Variants in COBL observed in about 807,000 individuals in gnomAD.
The protein encoded by COBL is protein cordon-bleu.
A neutral mutation model predicts 98.8 loss-of-function variants in COBL; 51 were observed. That is an observed-to-expected ratio of 0.52 (90% confidence interval 0.41 to 0.65). The LOEUF is 0.65. Ranked by LOEUF, COBL falls within the 30% of genes least tolerant of loss-of-function variation. The probability of loss-of-function intolerance (pLI) is 0.00; values close to 1 mark genes in which losing one functional copy is unlikely to be tolerated. For synonymous variants in COBL, 634 were observed against 651.7 expected, an observed-to-expected ratio of 0.97 and a Z score of 0.41; for missense variants, 1,617 against 1,617.5, an observed-to-expected ratio of 1.00 and a Z score of 0.01.
chr7:51,160,492 G>C (rs1054375360), intron 5 of COBL, among the ~76,000 whole-genome samples: 19 of 152,192 alleles, frequency 1.2e-4, no homozygotes, highest in Non-Finnish European at 1.2e-4. Context: ...GGGATAAAGT[G>C]ACTTTCACAT....
intron 8 of COBL, 70 bp downstream of exon 8, chr7:51,043,313 C>A: frequency 6.7e-7 from 1 of 1,487,436 alleles, no homozygotes; most frequent in Non-Finnish European, 9.2e-7. Flanking sequence ...GATCCCATGA[C>A]AAAAGACCCT....
intron 5 of COBL, among the ~76,000 whole-genome samples, chr7:51,138,687 C>T (rs774940843): frequency 2.6e-5 from 4 of 152,222 alleles, no homozygotes; most frequent in Admixed American, 1.3e-4. Context: ...CACTCACAAA[C>T]GTGCACTCAC....
intron 6 of COBL, among the ~76,000 whole-genome samples, chr7:51,091,854 G>A (rs980484986): frequency 4.6e-5 from 7 of 152,156 alleles, no homozygotes; most frequent in African/African-American, 1.7e-4. Context: ...TTGCAAGCCA[G>A]AAGAGGGTGG....
At position 51,026,713 on chromosome 7, in the gene COBL, G is replaced by A. The variant is rs747333691; in HGVS notation, c.3385-48C>T. The A allele has an allele frequency of 1.7e-5, 27 of 1,596,634 alleles. 1 individual carries two copies. Among genetic ancestry groups the A allele is most frequent in the African/African-American group, 1.3e-5 (1 of 74,650 alleles). ...CATTTCACTGAGAACATGGAGAAAT[G>A]TGAACTGTAATGCAGCTCATGAGAA... is the stretch of plus-strand genomic sequence containing the variant. On this transcript the variant is annotated intron_variant, in intron 10 of 12. Transcript: ENST00000265136.
chr7:51,236,619 G>A (rs1795279690), intron 1 of COBL, among the ~76,000 whole-genome samples: 1 of 152,090 alleles, frequency 6.6e-6, no homozygotes, highest in Non-Finnish European at 1.5e-5. Flanking sequence ...TAGTGCCTTG[G>A]GAAAGAGCCT....
rs1165725270 is a variant in COBL at position 51,219,919 on chromosome 7, G to C, written c.67C>G (p.Pro23Ala). 1 of 1,611,404 alleles carries C rather than the reference G, an allele frequency of 6.2e-7. No individual in the cohort carries two copies. The highest frequency in any genetic ancestry group is 1.7e-5 in the Admixed American group (1 of 60,002). The change falls in exon 2 of 13, where the codon CCA becomes GCA. Residue 23 changes from proline (P) to alanine (A), a missense_variant. Pro to Ala is a conservative substitution (Grantham distance 27). Transcript: ENST00000265136. ...AGAGTGGCAGCCTTTCCAGGAGGTGGGGGAGCACGAGCCTTCATCTTCCTC... is the reference window on the plus strand; with the variant it reads ...AGAGTGGCAGCCTTTCCAGGAGGTGCGGGAGCACGAGCCTTCATCTTCCTC... ...TGRKMKARAP[P>A]PPGKAATLHV...
chr7:51,235,951 G>A (rs545342418), intron 1 of COBL, among the ~76,000 whole-genome samples: 107 of 152,126 alleles, frequency 7.0e-4, no homozygotes, highest in African/African-American at 2.5e-3. Context: ...ACTTCAGCTT[G>A]GCTAAAGAAA....
At chr7:51,146,964 C>G (rs1475180788) in intron 5 of COBL, among the ~76,000 whole-genome samples, 1 of 152,188 alleles carries the variant, frequency 6.6e-6, no homozygotes, top group Non-Finnish European at 1.5e-5. Context: ...AGCTCCCCAC[C>G]TTGGGCATGG....
At chr7:51,117,177 G>A (rs994366553) in intron 6 of COBL, among the ~76,000 whole-genome samples, 4 of 131,032 alleles carry the variant, frequency 3.1e-5, no homozygotes, top group Non-Finnish European at 4.8e-5. Context: ...AAGTACCTAT[G>A]TAGCTATGCA....
intron 12 of COBL, among the ~76,000 whole-genome samples, chr7:51,020,362 C>T (rs1477008257): frequency 6.6e-6 from 1 of 152,154 alleles, no homozygotes; most frequent in Non-Finnish European, 1.5e-5. Context: ...CAATAGCAGA[C>T]CCCGCACCCC....
intron 5 of COBL, among the ~76,000 whole-genome samples, chr7:51,166,852 A>T (rs1787365561): frequency 6.6e-6 from 1 of 152,188 alleles, no homozygotes; most frequent in African/African-American, 2.4e-5. Flanking sequence ...AAGGATAAAA[A>T]CCATATGATC....
At chr7:51,175,159 G>A (rs1474656148) in intron 5 of COBL, among the ~76,000 whole-genome samples, 2 of 152,236 alleles carry the variant, frequency 1.3e-5, no homozygotes, top group Non-Finnish European at 2.9e-5. Context: ...GATTAAAGAG[G>A]AAAACTACCT....
chr7:51,187,329 T>TACACAC (rs1408641065), intron 4 of COBL, among the ~76,000 whole-genome samples: 110 of 142,420 alleles, frequency 7.7e-4, no homozygotes, highest in African/African-American at 2.9e-3. Flanking sequence ...TATATATATA[T>TACACAC]ATACACACAC....
At chr7:51,067,521 T>C (rs1792062460) in intron 7 of COBL, among the ~76,000 whole-genome samples, 1 of 152,220 alleles carries the variant, frequency 6.6e-6, no homozygotes. Context: ...TGGGTGCACA[T>C]GCATGTATGC....
intron 5 of COBL, among the ~76,000 whole-genome samples, chr7:51,145,402 T>G (rs1583951625): frequency 7.2e-6 from 1 of 138,774 alleles, no homozygotes; most frequent in East Asian, 2.3e-4. Flanking sequence ...TTTTCCGAGA[T>G]GGAGTGTCAC....
intron 2 of COBL, among the ~76,000 whole-genome samples, chr7:51,215,230 T>C (rs1466156692): frequency 6.6e-6 from 1 of 152,238 alleles, no homozygotes; most frequent in African/African-American, 2.4e-5. Context: ...TGTCCACCTT[T>C]TGTGAAGATA....
intron 7 of COBL, 116 bp downstream of exon 7, chr7:51,085,050 A>AT: frequency 6.9e-7 from 1 of 1,438,914 alleles, no homozygotes; most frequent in Non-Finnish European, 9.5e-7. Context: ...TAGCATTAAT[A>AT]TTTTTTGGGT....
intron 6 of COBL, among the ~76,000 whole-genome samples, chr7:51,125,595 A>G (rs964751797): frequency 1.3e-5 from 2 of 152,130 alleles, no homozygotes; most frequent in African/African-American, 4.8e-5. Context: ...CCGGGCAATC[A>G]CTCAGCCTCT....
intron 1 of COBL, among the ~76,000 whole-genome samples, chr7:51,242,805 C>T (rs141763645): frequency 1.0e-3 from 152 of 152,308 alleles, no homozygotes; most frequent in African/African-American, 3.4e-3. Context: ...GAGGCCCACT[C>T]GCCCAGGTGC....
Sources: allele counts gnomAD v4.1 joint callset (sites outside exome capture counted in the v4.1 genomes callset), GRCh38; gene constraint gnomAD v4.1.1; transcripts MANE v1.5; gene names NCBI Gene and HGNC (gene_info 2026-07-23, HGNC 2026-07-21).